Variants in DKK2 observed in about 807,000 individuals in gnomAD.
DKK2 encodes the protein dickkopf-related protein 2.
A neutral mutation model predicts 28.1 loss-of-function variants in DKK2; 11 were observed. That is an observed-to-expected ratio of 0.39 (90% CI 0.25 to 0.65). The LOEUF is 0.65. DKK2 is among the 30% of genes least tolerant of loss of function. The pLI is 0.47. For synonymous variants in DKK2, 135 were observed against 126.5 expected, an observed-to-expected ratio of 1.07 and a Z score of -0.45; for missense variants, 326 against 335.5, an observed-to-expected ratio of 0.97 and a Z score of 0.22.
At chr4:106,943,531 T>A (rs1176292559) in intron 1 of DKK2, among the ~76,000 whole-genome samples, 1 of 152,120 alleles carries the variant, frequency 6.6e-6, no homozygotes, top group Non-Finnish European at 1.5e-5. Flanking sequence ...AAAATTGAAG[T>A]CCTACAAAAG....
At chr4:106,951,701 T>C (rs1176768800) in intron 1 of DKK2, among the ~76,000 whole-genome samples, 1 of 152,172 alleles carries the variant, frequency 6.6e-6, no homozygotes, top group East Asian at 1.9e-4. Flanking sequence ...CTCTTGACAA[T>C]AAAGGTAAAC....
At position 107,035,718 on chromosome 4, in the gene DKK2, C is replaced by G; in HGVS notation, c.-127G>C. On this transcript the variant is annotated 5_prime_UTR_variant, in exon 1 of 4. Transcript: ENST00000285311. ...GCTTGCAGATTGTGTTCCCTCAACC[C>G]TTCCTGGTTCGGGGACCCAGGACCC... 2 of 930,762 alleles carry G rather than the reference C, an allele frequency of 2.1e-6. No homozygotes were observed. The highest frequency in any genetic ancestry group is 3.2e-6 in the Non-Finnish European group (2 of 617,338). The allele number at this position is 930,762 out of a possible 1,614,324, so 57.7% of individuals were successfully genotyped here.
chr4:107,012,083 AAT>A (rs1723526279), intron 1 of DKK2, among the ~76,000 whole-genome samples: 1 of 151,316 alleles, frequency 6.6e-6, no homozygotes, highest in African/African-American at 2.4e-5. Context: ...AAATAACAAA[AAT>A]CATTTTAATC....
chr4:107,028,422 ATAAC>A (rs1033021283), intron 1 of DKK2, among the ~76,000 whole-genome samples: 1 of 152,218 alleles, frequency 6.6e-6, no homozygotes, highest in Non-Finnish European at 1.5e-5. Context: ...CATCAGCAAA[ATAAC>A]TAAGTGCACT....
chr4:106,925,824 G>T lies in DKK2; in HGVS notation c.348C>A (p.Cys116Ter). Residue 116 changes from cysteine to a stop codon, truncating the protein, a stop_gained, in exon 2 of 4, where the codon TGC becomes TGA. Transcript: ENST00000285311. LOFTEE classifies it high-confidence loss of function. ...CATTATTGCAGCGGGTACTGGGGCA[G>T]CACATGCCATCTCGGTGGCAGCGCT... is the stretch of plus-strand genomic sequence containing the variant. ...KKKRCHRDGM[C>*]CPSTRCNNGI... is the part of the protein sequence containing the mutation. 1 of 1,612,834 alleles carries T rather than the reference G, an allele frequency of 6.2e-7. No homozygotes were observed. The highest frequency in any genetic ancestry group is 8.5e-7 in the Non-Finnish European group (1 of 1,179,440).
intron 1 of DKK2, among the ~76,000 whole-genome samples, chr4:106,954,517 T>C (rs1722558238): frequency 6.6e-6 from 1 of 152,146 alleles, no homozygotes; most frequent in Admixed American, 6.6e-5. Context: ...AGAAATGTTC[T>C]TTTCTTTTCT....
chr4:106,961,804 G>A (rs1722689008), intron 1 of DKK2, among the ~76,000 whole-genome samples: 1 of 152,138 alleles, frequency 6.6e-6, no homozygotes, highest in East Asian at 1.9e-4. Context: ...GCAAGTTACC[G>A]CACCTCTCTG....
chr4:106,935,774 T>C (rs892099112), intron 1 of DKK2, among the ~76,000 whole-genome samples: 6 of 152,174 alleles, frequency 3.9e-5, no homozygotes, highest in African/African-American at 9.6e-5. Flanking sequence ...GATCTGAGAA[T>C]GGGCAGACTG....
intron 1 of DKK2, among the ~76,000 whole-genome samples, chr4:106,999,764 TAA>T (rs1167600895): frequency 2.0e-5 from 3 of 152,222 alleles, no homozygotes; most frequent in African/African-American, 7.2e-5. Context: ...AGATTTAATT[TAA>T]AAATATACAT....
chr4:107,026,356 A>G (rs1454027064), intron 1 of DKK2, among the ~76,000 whole-genome samples: 5 of 152,142 alleles, frequency 3.3e-5, no homozygotes, highest in Admixed American at 3.3e-4. Flanking sequence ...TGAAAAGTAA[A>G]TAGCAAAAAA....
chr4:106,958,852 AAAAG>A (rs1553921904), intron 1 of DKK2, among the ~76,000 whole-genome samples: 3 of 147,562 alleles, frequency 2.0e-5, no homozygotes, highest in Admixed American at 6.8e-5. Context: ...AAAAAAAAAA[AAAAG>A]AAAGAAAGAA....
chr4:106,996,641 T>C (rs1379206531), intron 1 of DKK2, among the ~76,000 whole-genome samples: 1 of 152,158 alleles, frequency 6.6e-6, no homozygotes, highest in Non-Finnish European at 1.5e-5. Flanking sequence ...TGATCTGTTT[T>C]GCTAGTCTAC....
At chr4:106,945,462 T>A (rs1724762084) in intron 1 of DKK2, among the ~76,000 whole-genome samples, 1 of 152,128 alleles carries the variant, frequency 6.6e-6, no homozygotes, top group Non-Finnish European at 1.5e-5. Flanking sequence ...AATAGTAATA[T>A]TAAACAGCAT....
intron 1 of DKK2, among the ~76,000 whole-genome samples, chr4:106,974,547 G>A (rs1017157271): frequency 6.6e-6 from 1 of 151,996 alleles, no homozygotes; most frequent in African/African-American, 2.4e-5. Context: ...CTATTTGTTT[G>A]TTATTGGTGT....
At chr4:106,946,132 C>CT (rs1724772210) in intron 1 of DKK2, among the ~76,000 whole-genome samples, 2 of 152,018 alleles carry the variant, frequency 1.3e-5, no homozygotes, top group Admixed American at 1.3e-4. Flanking sequence ...GAATAAAGAC[C>CT]AACTGCTGGT....
intron 1 of DKK2, among the ~76,000 whole-genome samples, chr4:106,953,258 G>T (rs899654969): frequency 3.3e-5 from 5 of 152,152 alleles, no homozygotes; most frequent in African/African-American, 1.2e-4. Context: ...CCAGCATTGA[G>T]TGCTGGCCCT....
chr4:106,975,794 T>G (rs962594086), intron 1 of DKK2, among the ~76,000 whole-genome samples: 2 of 152,188 alleles, frequency 1.3e-5, no homozygotes, highest in East Asian at 1.9e-4. Context: ...TTTGACTTTG[T>G]TTGCTCTTGC....
intron 1 of DKK2, among the ~76,000 whole-genome samples, chr4:106,964,168 T>A (rs1013550759): frequency 6.6e-6 from 1 of 152,184 alleles, no homozygotes; most frequent in South Asian, 2.1e-4. Context: ...AGAAGATTAT[T>A]CAGCCATAAA....
chr4:107,026,727 C>CAAA lies in DKK2; in HGVS notation c.222+8642_222+8643insTTT, dbSNP rs35844622. 7.2e-3 allele frequency among the ~76,000 whole-genome samples: 1,099 copies of CAAA among 151,928 alleles called. 10 individuals carry two copies. Among genetic ancestry groups the CAAA allele is most frequent in the African/African-American group, 0.023 (968 of 41,432 alleles). ...CTTTTTTGATAACTATGAGAAATCA[C>CAAA]GATTTTGTTGCCCGACTCCAGAAAA... On this transcript the variant is annotated intron_variant, in intron 1 of 3. Transcript: ENST00000285311.
Sources: gnomAD v4.1 joint callset for allele counts (sites outside exome capture counted in the v4.1 genomes callset) on GRCh38, gnomAD v4.1.1 for gene constraint, MANE v1.5 for transcripts, NCBI Gene and HGNC (gene_info 2026-07-23, HGNC 2026-07-21) for gene names.